The following ENTREP2 variants were observed in gnomAD, a reference collection of about 807,000 sequenced individuals.
ENTREP2 encodes protein ENTREP2.
chr15:29,261,791 A>C, the ENTREP2 span, among the ~76,000 whole-genome samples: 1 of 152,164 alleles, frequency 6.6e-6, no homozygotes, highest in South Asian at 2.1e-4. Context: ...ATATTAGGAA[A>C]TATTTAGCAT....
At chr15:29,623,459 A>G in the ENTREP2 span, among the ~76,000 whole-genome samples, 3 of 152,372 alleles carry the variant, frequency 2.0e-5, no homozygotes, top group Middle Eastern at 3.4e-3. Flanking sequence ...ACACAGAGTT[A>G]GGTTTTGCTC....
At chr15:29,558,547 G>A in the ENTREP2 span, among the ~76,000 whole-genome samples, 1 of 150,444 alleles carries the variant, frequency 6.6e-6, no homozygotes, top group East Asian at 2.0e-4. Flanking sequence ...CTTCACCCAG[G>A]TGGGGCTTCC....
At chr15:29,489,910 TAC>T in the ENTREP2 span, among the ~76,000 whole-genome samples, 25 of 152,360 alleles carry the variant, frequency 1.6e-4, no homozygotes, top group African/African-American at 6.0e-4. Context: ...GAAGTTTTGC[TAC>T]AAAGATCACC....
the ENTREP2 span, among the ~76,000 whole-genome samples, chr15:29,515,021 A>G: frequency 6.6e-6 from 1 of 152,224 alleles, no homozygotes; most frequent in East Asian, 1.9e-4. Flanking sequence ...CTCTGTCTGC[A>G]TGAAAACCTA....
At chr15:29,392,099 A>C in the ENTREP2 span, among the ~76,000 whole-genome samples, 1 of 151,908 alleles carries the variant, frequency 6.6e-6, no homozygotes, top group Non-Finnish European at 1.5e-5. Context: ...AAGTGTTGGA[A>C]TTACAGGCGT....
chr15:29,306,664 ATTTTTTTTTTTTTTTTTT>A, the ENTREP2 span, among the ~76,000 whole-genome samples: 52 of 77,326 alleles, frequency 6.7e-4, no homozygotes, highest in African/African-American at 9.4e-4. Context: ...ATAATTGGTA[ATTTTTTTTTTTTTTTTTT>A]TTTTTTTTTT....
At chr15:29,225,924 C>T in the ENTREP2 span, among the ~76,000 whole-genome samples, 1 of 152,316 alleles carries the variant, frequency 6.6e-6, no homozygotes, top group South Asian at 2.1e-4. Context: ...CCTCGGAGGA[C>T]TTCCTGTTGT....
chr15:29,434,451 C>T, the ENTREP2 span, among the ~76,000 whole-genome samples: 1 of 152,122 alleles, frequency 6.6e-6, no homozygotes, highest in Non-Finnish European at 1.5e-5. Context: ...CCTCAGCATC[C>T]CTTCACCTGT....
chr15:29,529,962 T>C, the ENTREP2 span, among the ~76,000 whole-genome samples: 1 of 152,276 alleles, frequency 6.6e-6, no homozygotes, highest in Admixed American at 6.5e-5. Flanking sequence ...TACATCTTCT[T>C]GTCTAGCCTT....
the ENTREP2 span, chr15:29,136,219 G>T: frequency 1.3e-6 from 1 of 783,074 alleles, no homozygotes; most frequent in Non-Finnish European, 1.9e-6. Context: ...GAATGCATCC[G>T]GGGGCCTCGG....
At chr15:29,316,622 G>A in the ENTREP2 span, among the ~76,000 whole-genome samples, 5 of 152,174 alleles carry the variant, frequency 3.3e-5, 1 homozygote, top group African/African-American at 9.7e-5. Context: ...TACTGATGAC[G>A]CAAGAATGTC....
the ENTREP2 span, among the ~76,000 whole-genome samples, chr15:29,222,171 G>A: frequency 6.6e-6 from 1 of 152,174 alleles, no homozygotes; most frequent in Admixed American, 6.5e-5. Flanking sequence ...TTGCAGTAAA[G>A]AAGCTGGCCA....
chr15:29,537,595 T>C, the ENTREP2 span, among the ~76,000 whole-genome samples: 5 of 152,170 alleles, frequency 3.3e-5, no homozygotes, highest in African/African-American at 7.2e-5. Context: ...CTCTGGATCA[T>C]TGCATTAGCC....
At chr15:29,516,968 C>CAAAAAAAAAAAAAAAAAAAAAAAAAAA in the ENTREP2 span, among the ~76,000 whole-genome samples, 1 of 88,660 alleles carries the variant, frequency 1.1e-5, no homozygotes, top group African/African-American at 4.5e-5. Context: ...AATTATGAGC[C>CAAAAAAAAAAAAAAAAAAAAAAAAAAA]AAAAAAAAAA....
chr15:29,397,780 G>A, the ENTREP2 span, among the ~76,000 whole-genome samples: 1 of 152,088 alleles, frequency 6.6e-6, no homozygotes, highest in Admixed American at 6.5e-5. Flanking sequence ...TTCCAAAGCT[G>A]TTTAAATTTT....
At chr15:29,373,470 C>T in the ENTREP2 span, 7 of 152,102 alleles carry the variant, frequency 4.6e-5, no homozygotes, top group Non-Finnish European at 8.8e-5. Flanking sequence ...AGGATAAATG[C>T]TAACATGGAG....
chr15:29,269,963 T>C, the ENTREP2 span: 6 of 434,852 alleles, frequency 1.4e-5, no homozygotes, highest in East Asian at 2.2e-4. Context: ...TAGTGAAGTG[T>C]TGTTACCAAA....
At chr15:29,196,451 G>C in the ENTREP2 span, 1 of 1,551,686 alleles carries the variant, frequency 6.4e-7, no homozygotes, top group Non-Finnish European at 8.7e-7. Flanking sequence ...GCCTCACAGC[G>C]TTGCAGTTCT....
At chr15:29,136,031 T>C in the ENTREP2 span, among the ~76,000 whole-genome samples, 3 of 152,306 alleles carry the variant, frequency 2.0e-5, no homozygotes, top group African/African-American at 7.2e-5. Context: ...ACCTGGGCTG[T>C]GACTCGTGGC....
Sources: allele counts gnomAD v4.1 joint callset (sites outside exome capture counted in the v4.1 genomes callset), GRCh38; gene constraint gnomAD v4.1.1; transcripts MANE v1.5; gene names NCBI Gene and HGNC (gene_info 2026-07-23, HGNC 2026-07-21).